TSBP1: variants seen among roughly 807,000 people sequenced by gnomAD.
TSBP1 encodes the protein testis-expressed basic protein 1.
TSBP1 carries 56 observed loss-of-function variants against 68.8 expected under a neutral mutation model. The observed-to-expected ratio is 0.81, with a 90% CI of 0.66 to 1.02. TSBP1 has a LOEUF of 1.02. TSBP1 is among the 50% of genes least tolerant of loss of function. TSBP1 has a pLI of 0.00. For synonymous variants in TSBP1, 171 were observed against 208.7 expected, an observed-to-expected ratio of 0.82 and a Z score of 1.56; for missense variants, 502 against 641.2, an observed-to-expected ratio of 0.78 and a Z score of 2.34.
rs1191698001 is a variant in TSBP1 at position 32,316,186 on chromosome 6, G to A, written c.560-394C>T. Among the ~76,000 whole-genome samples the A allele has an allele frequency of 6.6e-6, 1 of 152,102 alleles. No homozygotes were observed. Among genetic ancestry groups the A allele is most frequent in the African/African-American group, 2.4e-5 (1 of 41,410 alleles). ...TTCATCTCTCAATAATTCTGCTTAC[G>A]TGTTATTTCATAATATTGTTCAGTT... is the stretch of plus-strand genomic sequence containing the variant. On this transcript the variant is annotated intron_variant, in intron 18 of 22. Coordinates refer to ENST00000612031, the Ensembl canonical transcript of TSBP1. This position sits in a 1 kb window ranked among gnomAD's most constrained non-coding sequence, Gnocchi z 4.5.
chr6:32,308,616 A>AT (rs142777099), intron 19 of TSBP1, among the ~76,000 whole-genome samples: 2 of 92,664 alleles, frequency 2.2e-5, no homozygotes, highest in East Asian at 3.2e-4. Context: ...AAAAAAAAAA[A>AT]TTTTGCTTTT....
intron 19 of TSBP1, among the ~76,000 whole-genome samples, chr6:32,309,165 G>A (rs1766113482): frequency 6.6e-6 from 1 of 152,026 alleles, no homozygotes; most frequent in East Asian, 1.9e-4. Flanking sequence ...GCCCAGCCTG[G>A]TCTCCAACTC....
At chr6:32,309,492 C>T (rs556830932) in intron 19 of TSBP1, among the ~76,000 whole-genome samples, 3 of 152,226 alleles carry the variant, frequency 2.0e-5, no homozygotes, top group African/African-American at 4.8e-5. Context: ...GACTTCATTT[C>T]AGTCTCACTC....
intron 1 of TSBP1, 82 bp downstream of exon 1, chr6:32,371,612 G>T: frequency 2.1e-6 from 2 of 949,056 alleles, no homozygotes; most frequent in South Asian, 1.3e-5. Context: ...TAAAGCAGTT[G>T]TGTTAAAGTC....
chr6:32,343,229 T>A lies in TSBP1; in HGVS notation c.350-3591A>T. 3 of 1,394,476 alleles carry A rather than the reference T, an allele frequency of 2.2e-6. No homozygotes were observed. Among genetic ancestry groups the A allele is most frequent in the Non-Finnish European group, 2.8e-6 (3 of 1,065,028 alleles). The allele number at this position is 1,394,476 out of a possible 1,614,324, so 86.4% of individuals were successfully genotyped here. A position where few individuals can be genotyped will look rare whatever the true frequency, so the allele number is the denominator to read the frequency against. On this transcript the variant is annotated intron_variant, in intron 9 of 22. Coordinates refer to ENST00000612031, the Ensembl canonical transcript of TSBP1. This position sits in a 1 kb window ranked among gnomAD's most constrained non-coding sequence, Gnocchi z 4.3. ...AACACCAGAGTTTGAAACAAGAAGA[T>A]AAACTTACTCATGGATCCTTGAGGT...
intron 19 of TSBP1, among the ~76,000 whole-genome samples, chr6:32,310,251 A>AGTGTGT (rs9279576): frequency 5.9e-5 from 9 of 151,514 alleles, no homozygotes; most frequent in African/African-American, 1.5e-4. Flanking sequence ...GGCACATGTA[A>AGTGTGT]GTGTGTGTGT....
exon 3 of TSBP1, chr6:32,368,783 T>G (rs1562203744): frequency 6.3e-7 from 1 of 1,582,328 alleles, no homozygotes; most frequent in South Asian, 1.1e-5. Context: ...AGTACTTACT[T>G]TGTTCTGAAC....
intron 14 of TSBP1, 143 bp from the exon 16 acceptor site, chr6:32,332,197 A>G: frequency 1.6e-6 from 1 of 635,680 alleles, no homozygotes; most frequent in Non-Finnish European, 2.8e-6. Context: ...GGGAGACTTA[A>G]TCCAACTATA....
At chr6:32,296,225 G>C (rs1764707180) in intron 22 of TSBP1, among the ~76,000 whole-genome samples, 1 of 150,274 alleles carries the variant, frequency 6.7e-6, no homozygotes, top group Non-Finnish European at 1.5e-5. Context: ...TTGAAAAATT[G>C]GCATACACAT....
intron 22 of TSBP1, among the ~76,000 whole-genome samples, chr6:32,297,672 G>C (rs903640381): frequency 6.6e-6 from 1 of 152,184 alleles, no homozygotes; most frequent in Admixed American, 6.5e-5. Flanking sequence ...AGAAATAAGA[G>C]ACTCAGTTTG....
chr6:32,359,599 C>T (rs1772764755), intron 6 of TSBP1, among the ~76,000 whole-genome samples: 1 of 152,074 alleles, frequency 6.6e-6, no homozygotes, highest in Non-Finnish European at 1.5e-5. Context: ...TGTAGTTTGC[C>T]TGTTCACTCT....
rs116729028 is a variant in TSBP1 at position 32,304,107 on chromosome 6, T to C, written c.581-1478A>G. 0.021 allele frequency among the ~76,000 whole-genome samples: 3,157 copies of C among 152,172 alleles called. 45 individuals carry two copies. Among genetic ancestry groups the C allele is most frequent in the South Asian group, 0.04 (192 of 4,806 alleles). ...TCCTTTCTATGTGGTTTCTTGTTTC[T>C]GTGGGCCTTTGACTTATTTAAAAGA... On this transcript the variant is annotated intron_variant, in intron 19 of 22. Coordinates refer to ENST00000612031, the Ensembl canonical transcript of TSBP1. The surrounding 1 kb of genome is among the most constrained non-coding windows in gnomAD (Gnocchi z 4.8).
At chr6:32,293,707 T>G in exon 23 of TSBP1, 1 of 1,613,042 alleles carries the variant, frequency 6.2e-7, no homozygotes, top group Non-Finnish European at 8.5e-7. Context: ...TTTTCTTTAT[T>G]TGGGCTCCCT....
chr6:32,353,443 A>G (rs1436251442), intron 8 of TSBP1, among the ~76,000 whole-genome samples: 1 of 151,954 alleles, frequency 6.6e-6, no homozygotes, highest in East Asian at 1.9e-4. Flanking sequence ...GGTATATGAG[A>G]AAATTTGAAT....
rs914030272 is a variant in TSBP1, at chr6:32,302,886, T to G, written c.581-257A>C. Among the ~76,000 whole-genome samples, 3 of 152,210 alleles carry G rather than the reference T, an allele frequency of 2.0e-5. No homozygotes were observed. The highest frequency in any genetic ancestry group is 7.2e-5 in the African/African-American group (3 of 41,454). Reference sequence around the variant, plus strand: ...GCTTTCACCCTTGCCTCCCAGTCAGTTCCCAGTACAGCAGTTAGCGGGACC... The same window carrying G: ...GCTTTCACCCTTGCCTCCCAGTCAGGTCCCAGTACAGCAGTTAGCGGGACC... On this transcript the variant is annotated intron_variant, in intron 19 of 22. Transcript: ENST00000612031. This position sits in a 1 kb window ranked among gnomAD's most constrained non-coding sequence, Gnocchi z 5.1.
At chr6:32,319,342 G>A (rs9268228) in intron 18 of TSBP1, among the ~76,000 whole-genome samples, 85,778 of 151,098 alleles carry the variant, frequency 0.57, 19,420 homozygotes, top group Middle Eastern at 0.67. Context: ...CTCACCTTTA[G>A]TTTCAGGCCT....
chr6:32,365,208 G>A lies in TSBP1; in HGVS notation c.217+959C>T, dbSNP rs1419622531. On this transcript the variant is annotated intron_variant, in intron 6 of 22. Coordinates refer to ENST00000612031, the Ensembl canonical transcript of TSBP1. This position sits in a 1 kb window ranked among gnomAD's most constrained non-coding sequence, Gnocchi z 4.3. The stretch of plus-strand genomic sequence containing the variant: ...CACCCAGGGTAGATGGGATTTCTAA[G>A]ATTGTGCTTTCTCTCAATCCTGCAA... 1 of 408,504 alleles carries A rather than the reference G, an allele frequency of 2.4e-6. No individual in the cohort carries two copies. The highest frequency in any genetic ancestry group is 4.9e-6 in the Non-Finnish European group (1 of 205,112). The allele number at this position is 408,504 out of a possible 1,614,324, so 25.3% of individuals were successfully genotyped here. A position where few individuals can be genotyped will look rare whatever the true frequency, so the allele number is the denominator to read the frequency against.
Position 32,365,837 on chromosome 6 carries a change from A to G in TSBP1, c.217+330T>C. On this transcript the variant is annotated intron_variant, in intron 6 of 22. Transcript: ENST00000612031. This position sits in a 1 kb window ranked among gnomAD's most constrained non-coding sequence, Gnocchi z 4.3. ...TCTGCTGGACTCCTGGACTCCCACA[A>G]TGGTATTGTCTCATCTGTGGATAGT... 1 of 451,206 alleles carries G rather than the reference A, an allele frequency of 2.2e-6. No homozygotes were observed. The highest frequency in any genetic ancestry group is 4.3e-6 in the Non-Finnish European group (1 of 231,866). The allele number at this position is 451,206 out of a possible 1,614,324, so 28.0% of individuals were successfully genotyped here. A position where few individuals can be genotyped will look rare whatever the true frequency, so the allele number is the denominator to read the frequency against.
At position 32,331,786 on chromosome 6, in the gene TSBP1, T is replaced by C. The variant is rs117445916; in HGVS notation, c.493+248A>G. On this transcript the variant is annotated intron_variant, in intron 15 of 22. Coordinates refer to ENST00000612031, the Ensembl canonical transcript of TSBP1. ...CAGTGGGCACTGGCATTAGGCTGGT[T>C]CCCCACTTCTGTAGGTCTTATGCTG... 3.3e-3 allele frequency among the ~76,000 whole-genome samples: 497 copies of C among 152,250 alleles called. 15 individuals carry two copies. The East Asian group carries it at 0.069, about 21-fold the overall frequency.
Sources: gnomAD v4.1 joint callset for allele counts (sites outside exome capture counted in the v4.1 genomes callset) on GRCh38, gnomAD v4.1.1 for gene constraint, Gnocchi (gnomAD v3.1) non-coding constraint, MANE v1.5 for transcripts, NCBI Gene and HGNC (gene_info 2026-07-23, HGNC 2026-07-21) for gene names.